Variants in FAM210A observed in about 807,000 individuals in gnomAD.
FAM210A encodes the protein family with sequence similarity 210 member A.
A neutral mutation model predicts 25.3 loss-of-function variants in FAM210A; 13 were observed. The observed-to-expected ratio is 0.51, with a 90% CI of 0.33 to 0.82. FAM210A has a LOEUF of 0.82. Among genes scored for constraint, FAM210A ranks in the 40% least tolerant of loss-of-function variants. FAM210A has a pLI of 0.02. For missense variants in FAM210A, 319 were observed against 323.2 expected (o/e 0.99, Z 0.10); for synonymous variants, 125 against 118.7 (o/e 1.05, Z -0.35).
At chr18:13,703,941 C>G (rs2043759647) in intron 1 of FAM210A, among the ~76,000 whole-genome samples, 1 of 152,122 alleles carries the variant, frequency 6.6e-6, no homozygotes, top group African/African-American at 2.4e-5. Context: ...ACTTCTTTGA[C>G]TTTTAAAAAA....
intron 3 of FAM210A, among the ~76,000 whole-genome samples, chr18:13,667,682 C>A (rs552159939): frequency 6.6e-6 from 1 of 151,964 alleles, no homozygotes; most frequent in Admixed American, 6.6e-5. Context: ...TGTACCATTG[C>A]GCTCCAGCCT....
intron 2 of FAM210A, among the ~76,000 whole-genome samples, chr18:13,674,261 C>T (rs2043472751): frequency 1.7e-5 from 1 of 57,518 alleles, no homozygotes. Flanking sequence ...ATTAACATTC[C>T]TGAGCCCTAG....
chr18:13,684,216 G>A (rs1601948886), intron 1 of FAM210A, among the ~76,000 whole-genome samples: 3 of 152,200 alleles, frequency 2.0e-5, no homozygotes, highest in Admixed American at 2.0e-4. Flanking sequence ...CCAACATGGT[G>A]AAACCCCATC....
At chr18:13,698,818 GA>G (rs915946513) in intron 1 of FAM210A, among the ~76,000 whole-genome samples, 4 of 152,090 alleles carry the variant, frequency 2.6e-5, no homozygotes, top group Admixed American at 2.0e-4. Flanking sequence ...ATACCGCCCA[GA>G]CCCCTCCCCC....
At chr18:13,718,440 G>A (rs2043876801) in intron 1 of FAM210A, among the ~76,000 whole-genome samples, 1 of 151,846 alleles carries the variant, frequency 6.6e-6, no homozygotes, top group Non-Finnish European at 1.5e-5. Flanking sequence ...AGGCCCCTTA[G>A]TATCATCCTT....
chr18:13,708,441 T>G (rs2043796969), intron 1 of FAM210A, among the ~76,000 whole-genome samples: 1 of 152,144 alleles, frequency 6.6e-6, no homozygotes, highest in African/African-American at 2.4e-5. Flanking sequence ...GGGGTGAGTC[T>G]CAAAGTTCCA....
intron 2 of FAM210A, among the ~76,000 whole-genome samples, chr18:13,680,931 G>C (rs2043548020): frequency 6.6e-6 from 1 of 152,124 alleles, no homozygotes; most frequent in Admixed American, 6.5e-5. Flanking sequence ...TCAAAACACT[G>C]GGAGGCTAGA....
Position 13,664,072 on chromosome 18 carries a change from CT to C in FAM210A, c.*2407del, listed in dbSNP as rs2043381327. 6.6e-6 allele frequency: 1 copy of C among 152,152 alleles called. No individual in the cohort carries two copies. The highest frequency in any genetic ancestry group is 1.5e-5 in the Non-Finnish European group (1 of 68,032). 9.4% of individuals were successfully genotyped at this position (152,152 alleles called of 1,614,324 possible). On this transcript the variant is annotated 3_prime_UTR_variant, in exon 4 of 4. Transcript: ENST00000651643. ...CAACATATTACAGGAATCCCTGAAA[CT>C]TAAGGACTAGGTTAGCAATATGCTA...
chr18:13,696,967 T>C (rs2043699581), intron 1 of FAM210A, among the ~76,000 whole-genome samples: 1 of 152,212 alleles, frequency 6.6e-6, no homozygotes, highest in African/African-American at 2.4e-5. Flanking sequence ...AGGTGTATCA[T>C]TTTTTATACT....
At chr18:13,668,770 T>TAAG (rs1435907678) in intron 3 of FAM210A, among the ~76,000 whole-genome samples, 1 of 152,196 alleles carries the variant, frequency 6.6e-6, no homozygotes, top group Non-Finnish European at 1.5e-5. Context: ...TAGGCAATTA[T>TAAG]AAGACCACAG....
intron 2 of FAM210A, among the ~76,000 whole-genome samples, chr18:13,673,541 ACATTCCT>A (rs2043462291): frequency 6.7e-6 from 1 of 150,368 alleles, no homozygotes; most frequent in African/African-American, 2.5e-5. Context: ...CTGATTATTA[ACATTCCT>A]GAGCCCCGAC....
At chr18:13,706,245 T>C (rs1354892627) in intron 1 of FAM210A, among the ~76,000 whole-genome samples, 1 of 152,004 alleles carries the variant, frequency 6.6e-6, no homozygotes, top group African/African-American at 2.4e-5. Context: ...ATCCTTGATG[T>C]GAACAGCTTT....
At chr18:13,698,553 T>C (rs535941778) in intron 1 of FAM210A, among the ~76,000 whole-genome samples, 1 of 152,164 alleles carries the variant, frequency 6.6e-6, no homozygotes, top group Admixed American at 6.6e-5. Flanking sequence ...CCAAACTGCT[T>C]TTGTAAGCCC....
chr18:13,712,174 T>A (rs779355197), intron 1 of FAM210A, among the ~76,000 whole-genome samples: 16 of 152,320 alleles, frequency 1.1e-4, no homozygotes, highest in South Asian at 2.1e-4. Flanking sequence ...AGGTTCAATA[T>A]GTTTAAGGCA....
rs1209122671 is a variant in FAM210A, at chr18:13,664,528, C to T, written c.*1952G>A. 2.0e-5 allele frequency: 3 copies of T among 152,104 alleles called. No individual in the cohort carries two copies. Among genetic ancestry groups the T allele is most frequent in the African/African-American group, 4.8e-5 (2 of 41,402 alleles). The allele number at this position is 152,104 out of a possible 1,614,324, so 9.4% of individuals were successfully genotyped here. A position where few individuals can be genotyped will look rare whatever the true frequency, so the allele number is the denominator to read the frequency against. ...AATTATTTGATAAATACTTAAAAAA[C>T]ATGTTAATCATGTTTAGATTTGAAA... On this transcript the variant is annotated 3_prime_UTR_variant, in exon 4 of 4. Transcript: ENST00000651643.
At chr18:13,719,906 A>C (rs1173738542) in intron 1 of FAM210A, among the ~76,000 whole-genome samples, 1 of 152,220 alleles carries the variant, frequency 6.6e-6, no homozygotes, top group Non-Finnish European at 1.5e-5. Context: ...CATTTATTCT[A>C]TAAAATCGCT....
chr18:13,722,833 C>T lies in FAM210A; in HGVS notation c.-29+3496G>A, dbSNP rs2043907574. Among the ~76,000 whole-genome samples the T allele has an allele frequency of 1.4e-5, 2 of 145,684 alleles. 1 individual carries two copies. Among genetic ancestry groups the T allele is most frequent in the South Asian group, 4.6e-4 (2 of 4,338 alleles). On this transcript the variant is annotated intron_variant, in intron 1 of 3. Transcript: ENST00000651643. ...ATCGGGAATTTGAAGCCTTAAGCTC[C>T]CCTTTTCTTTCCTTTCTTTTTTTTT...
intron 1 of FAM210A, among the ~76,000 whole-genome samples, chr18:13,719,260 A>G (rs1215932831): frequency 1.3e-5 from 2 of 152,058 alleles, no homozygotes; most frequent in African/African-American, 4.8e-5. Context: ...TATTTCAGAT[A>G]GCAAGGAAGA....
intron 1 of FAM210A, among the ~76,000 whole-genome samples, chr18:13,719,726 T>TA (rs10617536): frequency 3.3e-4 from 49 of 150,100 alleles, no homozygotes; most frequent in Middle Eastern, 3.4e-3. Context: ...TTACATGAAT[T>TA]AAAAAAAAAA....
Sources: allele counts gnomAD v4.1 joint callset (sites outside exome capture counted in the v4.1 genomes callset), GRCh38; gene constraint gnomAD v4.1.1; transcripts MANE v1.5; gene names NCBI Gene and HGNC (gene_info 2026-07-23, HGNC 2026-07-21).